The following TJP1 variants were observed in gnomAD, a reference collection of about 807,000 sequenced individuals.
TJP1 encodes the protein tight junction protein 1, also known as tight junction protein ZO-1.
A neutral mutation model predicts 194.2 loss-of-function variants in TJP1; 43 were observed. The ratio of observed to expected loss-of-function variants is 0.22; its 90% CI spans 0.17 to 0.29. The LOEUF (loss-of-function observed/expected upper bound fraction) is 0.29, where lower values mean the gene tolerates loss of function less well. TJP1 is among the 10% of genes least tolerant of loss of function. The probability of loss-of-function intolerance (pLI) is 1.00; values close to 1 mark genes in which losing one functional copy is unlikely to be tolerated. For missense variants in TJP1, 1,971 were observed against 2,185.7 expected (o/e 0.90, Z 1.96); for synonymous variants, 801 against 779.0 (o/e 1.03, Z -0.47).
chr15:29,905,107 A>G (rs2053763616), intron 2 of TJP1, among the ~76,000 whole-genome samples: 1 of 152,224 alleles, frequency 6.6e-6, no homozygotes, highest in Non-Finnish European at 1.5e-5. Flanking sequence ...TTGTCACAGC[A>G]GTCCTAGCAA....
chr15:29,961,630 C>G (rs775836583), intron 1 of TJP1, among the ~76,000 whole-genome samples: 3 of 152,066 alleles, frequency 2.0e-5, no homozygotes, highest in Non-Finnish European at 4.4e-5. Flanking sequence ...AGTCCAGGGC[C>G]CACCCTCTCG....
At chr15:29,763,070 C>CA (rs142722944) in intron 5 of TJP1, among the ~76,000 whole-genome samples, 1,835 of 152,292 alleles carry the variant, frequency 0.012, 37 homozygotes, top group East Asian at 0.075. Flanking sequence ...TAGACATACT[C>CA]AGAGTACTAG....
chr15:29,750,809 T>C (rs1158316678), intron 8 of TJP1, among the ~76,000 whole-genome samples: 2 of 152,236 alleles, frequency 1.3e-5, no homozygotes, highest in Non-Finnish European at 2.9e-5. Context: ...GTTCATTAAT[T>C]GCATAAGGTA....
In TJP1 at chr15:29,718,986, T is replaced by A; in HGVS notation, c.3156A>T (p.Arg1052Ser). 6.2e-7 allele frequency: 1 copy of A among 1,614,204 alleles called. No homozygotes were observed. The change falls in exon 21 of 28, where the codon AGA (arginine) becomes AGT (serine). Residue 1052 changes from arginine to serine, a missense_variant. Transcript: ENST00000614355. ...ATCTGTATGTGGGCTGCTCGAGGTC[T>A]CTGCTGGCTTGTTTCTCTACGTATG... Reference protein sequence around the residue: ...QLPYVEKQASRDLEQPTYRYE... With the variant: ...QLPYVEKQASSDLEQPTYRYE...
chr15:29,893,636 G>C (rs1050098653), intron 2 of TJP1, among the ~76,000 whole-genome samples: 13 of 152,096 alleles, frequency 8.5e-5, no homozygotes, highest in Non-Finnish European at 1.6e-4. Context: ...ACTTGCTAAA[G>C]GTTCAGATAA....
intron 2 of TJP1, among the ~76,000 whole-genome samples, chr15:29,916,076 C>T (rs576690788): frequency 3.3e-5 from 5 of 152,038 alleles, no homozygotes; most frequent in African/African-American, 1.2e-4. Context: ...GAAACCCCGC[C>T]TCTACAAAAA....
intron 1 of TJP1, among the ~76,000 whole-genome samples, chr15:29,961,866 C>T (rs1596332424): frequency 6.6e-6 from 1 of 152,326 alleles, no homozygotes; most frequent in East Asian, 1.9e-4. Context: ...CCTAGACAGA[C>T]CCTCATTTGG....
intron 10 of TJP1, among the ~76,000 whole-genome samples, chr15:29,738,858 TCAC>T (rs2044204981): frequency 1.2e-5 from 1 of 85,182 alleles, no homozygotes; most frequent in African/African-American, 4.7e-5. Flanking sequence ...CAAGACCCTG[TCAC>T]TACTAAAAAA....
At chr15:29,763,548 C>T (rs2337172) in intron 5 of TJP1, among the ~76,000 whole-genome samples, 143,465 of 152,164 alleles carry the variant, frequency 0.94, 67,833 homozygotes, top group East Asian at 1. Flanking sequence ...GGCGGGCGGA[C>T]CACAAGGTCA....
chr15:29,768,616 C>T (rs2046463378), intron 4 of TJP1, among the ~76,000 whole-genome samples: 1 of 152,104 alleles, frequency 6.6e-6, no homozygotes, highest in Admixed American at 6.6e-5. Context: ...CTATCCAGCC[C>T]ACTAAGATTT....
intron 23 of TJP1, 103 bp from the exon 24 acceptor site, chr15:29,711,103 A>G (rs1191709273): frequency 2.2e-6 from 3 of 1,353,066 alleles, no homozygotes; most frequent in African/African-American, 2.9e-5. Context: ...AAAAAACTAG[A>G]AATTTCACAA....
chr15:29,715,631 A>G (rs924739103), intron 23 of TJP1, among the ~76,000 whole-genome samples: 5 of 152,220 alleles, frequency 3.3e-5, no homozygotes, highest in Non-Finnish European at 7.3e-5. Flanking sequence ...TAATATGTCA[A>G]TCTGGCTAGG....
rs374094532 is a variant in TJP1 at position 29,761,220 on chromosome 15, C to T, written c.929G>A (p.Arg310His). The change falls in exon 8 of 28, where the codon CGC becomes CAC. Residue 310 changes from arginine to histidine, a missense_variant. Arg to His is a conservative substitution (Grantham distance 29). Around this residue, in one of 5 missense-constraint regions of TJP1, gnomAD observed 192 missense variants for 182.3 expected, o/e 1.05. Coordinates refer to ENST00000614355, the MANE Select transcript of TJP1 (RefSeq NM_001330239.4). The stretch of plus-strand genomic sequence containing the variant: ...CTGGTCAGGAGATCGTGACCGGCTG[C>T]GGCGGGGAGGCCTATCGTGTGATCG... Reference protein sequence around the residue: ...SGRSHDRPPRRSRSRSPDQRS... With the variant: ...SGRSHDRPPRHSRSRSPDQRS... 3.6e-5 allele frequency: 58 copies of T among 1,613,880 alleles called. No homozygotes were observed. The highest frequency in any genetic ancestry group is 1.1e-4 in the East Asian group (5 of 44,874).
intron 2 of TJP1, among the ~76,000 whole-genome samples, chr15:29,949,283 ACCGCCATCACCT>A: frequency 1.1e-5 from 1 of 91,306 alleles, no homozygotes. Flanking sequence ...CATCACCTCC[ACCGCCATCACCT>A]CCACCACCAC....
At chr15:29,711,098 A>C (rs939884037) in intron 23 of TJP1, 98 bp from the exon 24 acceptor site, 17 of 1,352,006 alleles carry the variant, frequency 1.3e-5, no homozygotes, top group East Asian at 2.4e-5. Flanking sequence ...AAAAAAAAAA[A>C]CTAGAAATTT....
chr15:29,859,964 C>T (rs977882863), intron 2 of TJP1, among the ~76,000 whole-genome samples: 1 of 151,968 alleles, frequency 6.6e-6, no homozygotes, highest in Non-Finnish European at 1.5e-5. Flanking sequence ...AAAAAGGAGG[C>T]CTTGTGCTGC....
chr15:29,898,699 A>G (rs1372405751), intron 2 of TJP1, among the ~76,000 whole-genome samples: 1 of 152,260 alleles, frequency 6.6e-6, no homozygotes, highest in Non-Finnish European at 1.5e-5. Context: ...GATGTTCATC[A>G]GAGCATTTTG....
chr15:29,727,204 C>G (rs1039024978), intron 16 of TJP1, among the ~76,000 whole-genome samples: 11 of 152,012 alleles, frequency 7.2e-5, no homozygotes, highest in African/African-American at 2.7e-4. Flanking sequence ...ACTAGCCAGG[C>G]ATGGTGGTGC....
rs139016521 is a variant in TJP1 at position 29,956,173 on chromosome 15, A to C, written c.306+59T>G. The C allele has an allele frequency of 1.1e-4, 124 of 1,109,178 alleles. No homozygotes were observed. The East Asian group carries it at 7.8e-3, about 70-fold the overall frequency. 68.7% of individuals were successfully genotyped at this position (1,109,178 alleles called of 1,614,324 possible). ...TCTGCTGCATTTTTATGAAAATAAT[A>C]AAATAAAAACTTTCATACTCTTTGG... On this transcript the variant is annotated intron_variant, in intron 2 of 28. Transcript: ENST00000356107.
Sources: allele counts gnomAD v4.1 joint callset (sites outside exome capture counted in the v4.1 genomes callset), GRCh38; gene constraint gnomAD v4.1.1; regional missense constraint gnomAD v4.1.1; transcripts MANE v1.5; gene names NCBI Gene and HGNC (gene_info 2026-07-23, HGNC 2026-07-21).